ATP11A: variants seen among roughly 807,000 people sequenced by gnomAD.
ATP11A encodes the protein ATPase phospholipid transporting 11A.
In ATP11A, 81 loss-of-function variants were observed where a neutral mutation model predicts 154.4. The observed-to-expected ratio is 0.52, with a 90% CI of 0.44 to 0.63. The LOEUF (loss-of-function observed/expected upper bound fraction) is 0.63, where lower values mean the gene tolerates loss of function less well. Among genes scored for constraint, ATP11A ranks in the 30% least tolerant of loss-of-function variants. The pLI, the probability that ATP11A is intolerant of heterozygous loss-of-function variation, is 0.00. For missense variants in ATP11A, 1,316 were observed against 1,474.3 expected, an observed-to-expected ratio of 0.89 and a Z score of 1.76; for synonymous variants, 623 against 585.9, an observed-to-expected ratio of 1.06 and a Z score of -0.91.
chr13:112,877,472 G>A (rs1196264285), intron 28 of ATP11A, among the ~76,000 whole-genome samples: 1 of 152,254 alleles, frequency 6.6e-6, no homozygotes, highest in Non-Finnish European at 1.5e-5. Flanking sequence ...CATACATGGG[G>A]ACGTGGCAGA....
At chr13:112,852,024 A>G (rs1412927365) in intron 18 of ATP11A, among the ~76,000 whole-genome samples, 12 of 152,224 alleles carry the variant, frequency 7.9e-5, no homozygotes, top group Admixed American at 7.9e-4. Flanking sequence ...ATTTTCAGGT[A>G]CCTCTAAGGC....
intron 8 of ATP11A, among the ~76,000 whole-genome samples, chr13:112,822,743 C>CAAAAA (rs764140319): frequency 1.4e-5 from 1 of 71,096 alleles, no homozygotes; most frequent in African/African-American, 4.6e-5. Flanking sequence ...GACCCTGTTG[C>CAAAAA]AAAAAAAAAA....
Position 112,756,732 on chromosome 13 carries a change from C to T in ATP11A, c.40-28403C>T, listed in dbSNP as rs111323357. 1.9e-3 allele frequency among the ~76,000 whole-genome samples: 287 copies of T among 152,346 alleles called. 3 individuals carry two copies. Among genetic ancestry groups the T allele is most frequent in the African/African-American group, 4.9e-3 (205 of 41,574 alleles). ...CTTTCTTCTGGGGCACGGCCCTCTG[C>T]ACCCCAGGGCAGCCTGTGTGGTGTC... On this transcript the variant is annotated intron_variant, in intron 1 of 29. Coordinates refer to ENST00000375645, the MANE Select transcript of ATP11A (RefSeq NM_015205.3).
chr13:112,864,366 GA>G (rs1230648664), intron 25 of ATP11A, among the ~76,000 whole-genome samples: 1 of 111,040 alleles, frequency 9.0e-6, no homozygotes, highest in African/African-American at 3.2e-5. Flanking sequence ...TCCCAGCGGG[GA>G]TCATCACCAC....
rs1892238253 is a variant in ATP11A at position 112,746,985 on chromosome 13, G to C, written c.40-38150G>C. The C allele has an allele frequency of 6.9e-6, 1 of 145,536 alleles. No homozygotes were observed. Among genetic ancestry groups the C allele is most frequent in the Non-Finnish European group, 1.5e-5 (1 of 67,286 alleles). 9.0% of individuals were successfully genotyped at this position (145,536 alleles called of 1,614,324 possible). On this transcript the variant is annotated intron_variant, in intron 1 of 29. Coordinates refer to ENST00000375645, the MANE Select transcript of ATP11A (RefSeq NM_015205.3). The surrounding 1 kb of genome is among the most constrained non-coding windows in gnomAD (Gnocchi z 4.1). ...TTTTTTCTGTCATTGGCTTGCATTG[G>C]CATAGTTTTTTTTTTTTTAACTTCC... is the stretch of plus-strand genomic sequence containing the variant.
At chr13:112,840,164 CCA>C (rs2079359339) in intron 16 of ATP11A, among the ~76,000 whole-genome samples, 1 of 96,296 alleles carries the variant, frequency 1.0e-5, no homozygotes, top group Non-Finnish European at 2.2e-5. Context: ...CCCCACTCTC[CCA>C]TCCCCCCCAG....
chr13:112,858,024 C>A, intron 21 of ATP11A, 104 bp downstream of exon 21: 3 of 1,565,796 alleles, frequency 1.9e-6, no homozygotes, highest in Non-Finnish European at 1.8e-6. Context: ...ACCCCCGTCA[C>A]CACCCTCGTG....
intron 1 of ATP11A, among the ~76,000 whole-genome samples, chr13:112,700,044 A>ATTTTT (rs5806957): frequency 1.4e-5 from 2 of 139,864 alleles, no homozygotes; most frequent in African/African-American, 5.4e-5. Flanking sequence ...GACAAAGGTA[A>ATTTTT]TTTTTTTTTT....
At chr13:112,797,635 T>A (rs1489996362) in intron 2 of ATP11A, among the ~76,000 whole-genome samples, 2 of 152,176 alleles carry the variant, frequency 1.3e-5, no homozygotes, top group Non-Finnish European at 2.9e-5. Flanking sequence ...TTTAAAGTGT[T>A]GAAAGAAAAA....
intron 1 of ATP11A, among the ~76,000 whole-genome samples, chr13:112,772,954 G>A (rs1157394196): frequency 4.6e-5 from 7 of 152,196 alleles, no homozygotes; most frequent in Non-Finnish European, 7.3e-5. Context: ...ATCTGATCAC[G>A]GATGCTCCAT....
intron 2 of ATP11A, among the ~76,000 whole-genome samples, chr13:112,787,346 C>A (rs1245626724): frequency 5.3e-5 from 7 of 131,834 alleles, no homozygotes; most frequent in African/African-American, 2.7e-4. Flanking sequence ...TTAATTGACA[C>A]CGGGTGTCCT....
rs145970663 is a variant in ATP11A, at chr13:112,857,859, G to A, written c.2460G>A (p.Thr820=). ...AATTTTCAAAAGAGCACCCAATCAC[G>A]TTAGCAATTGGCGATGGTGCAAATG... ...LIKFSKEHPI[T]LAIGDGANDV... is the part of the protein sequence containing the mutation. Residue 820 remains threonine (T), a synonymous_variant, in exon 21 of 30, where the codon ACG becomes ACA. Coordinates refer to ENST00000375645, the MANE Select transcript of ATP11A (RefSeq NM_015205.3). The A allele has an allele frequency of 2.0e-5, 32 of 1,614,168 alleles. No individual in the cohort carries two copies. Among genetic ancestry groups the A allele is most frequent in the East Asian group, 4.5e-5 (2 of 44,892 alleles).
At chr13:112,856,977 C>T (rs1011443866) in intron 20 of ATP11A, among the ~76,000 whole-genome samples, 6 of 152,198 alleles carry the variant, frequency 3.9e-5, no homozygotes, top group East Asian at 1.9e-4. Flanking sequence ...GTGAGGAAGA[C>T]GGTTTGATGT....
intron 2 of ATP11A, among the ~76,000 whole-genome samples, chr13:112,802,920 T>C (rs189301486): frequency 6.6e-6 from 1 of 152,234 alleles, no homozygotes; most frequent in Admixed American, 6.5e-5. Flanking sequence ...GGTGTTTGGA[T>C]GGGTAGGGCG....
At chr13:112,856,291 A>G (rs917722237) in intron 20 of ATP11A, 4 of 507,394 alleles carry the variant, frequency 7.9e-6, no homozygotes, top group African/African-American at 5.8e-5. Flanking sequence ...ATGACCAGTC[A>G]GATGTATGAC....
intron 1 of ATP11A, among the ~76,000 whole-genome samples, chr13:112,780,655 A>T (rs114995830): frequency 3.5e-4 from 54 of 152,210 alleles, no homozygotes; most frequent in African/African-American, 1.3e-3. Context: ...TTTGTGTCCT[A>T]TGGTCAGTCA....
At chr13:112,719,883 C>T (rs1888957316) in intron 1 of ATP11A, among the ~76,000 whole-genome samples, 1 of 152,216 alleles carries the variant, frequency 6.6e-6, no homozygotes, top group African/African-American at 2.4e-5. Context: ...TCCAAAACAA[C>T]AGTCTCCCAT....
At chr13:112,729,338 G>A (rs771455867) in intron 1 of ATP11A, among the ~76,000 whole-genome samples, 1 of 152,198 alleles carries the variant, frequency 6.6e-6, no homozygotes, top group South Asian at 2.1e-4. Flanking sequence ...GGGTTTATCC[G>A]ACTCTGCCCA....
At chr13:112,749,391 A>G (rs1024940054) in intron 1 of ATP11A, among the ~76,000 whole-genome samples, 4 of 152,256 alleles carry the variant, frequency 2.6e-5, no homozygotes, top group Admixed American at 2.6e-4. Flanking sequence ...TTCACTATTG[A>G]ATGACTTTCC....
Sources: allele counts gnomAD v4.1 joint callset (sites outside exome capture counted in the v4.1 genomes callset), GRCh38; gene constraint gnomAD v4.1.1; non-coding constraint Gnocchi (gnomAD v3.1); transcripts MANE v1.5; gene names NCBI Gene and HGNC (gene_info 2026-07-23, HGNC 2026-07-21).